CD80: variants seen among roughly 807,000 people sequenced by gnomAD.
CD80 encodes the protein T-lymphocyte activation antigen CD80.
A neutral mutation model predicts 27.1 loss-of-function variants in CD80; 13 were observed. That is an observed-to-expected ratio of 0.48 (90% CI 0.31 to 0.76). The LOEUF is 0.76. CD80 is among the 30% of genes least tolerant of loss of function. The probability of loss-of-function intolerance (pLI) is 0.04; values close to 1 mark genes in which losing one functional copy is unlikely to be tolerated. For synonymous variants in CD80, 125 were observed against 125.5 expected (o/e 1.00, Z 0.03); for missense variants, 277 against 347.9 (o/e 0.80, Z 1.62).
chr3:119,528,286 C>G (rs2082089885), intron 5 of CD80, among the ~76,000 whole-genome samples: 2 of 152,152 alleles, frequency 1.3e-5, no homozygotes, highest in African/African-American at 4.8e-5. Flanking sequence ...AGCACATACT[C>G]TCTAAAGAAT....
chr3:119,536,626 C>G (rs1355620815), intron 4 of CD80, among the ~76,000 whole-genome samples: 1 of 152,246 alleles, frequency 6.6e-6, no homozygotes, highest in Admixed American at 6.5e-5. Context: ...GCATGAGCCA[C>G]TGTGCCCAGT....
intron 5 of CD80, 69 bp downstream of exon 5, chr3:119,529,773 T>C: frequency 9.3e-7 from 1 of 1,080,242 alleles, no homozygotes; most frequent in Non-Finnish European, 1.4e-6. Flanking sequence ...CTCAGAGAGA[T>C]GCCGAACCAT....
At chr3:119,553,773 T>C (rs1221175113) in intron 2 of CD80, among the ~76,000 whole-genome samples, 1 of 152,230 alleles carries the variant, frequency 6.6e-6, no homozygotes, top group African/African-American at 2.4e-5. Context: ...AATAAACATT[T>C]TCCCTGACTA....
intron 3 of CD80, among the ~76,000 whole-genome samples, chr3:119,544,028 C>T (rs1426026325): frequency 1.3e-5 from 2 of 151,782 alleles, no homozygotes; most frequent in Non-Finnish European, 2.9e-5. Flanking sequence ...GCTGGGATTA[C>T]AGGAATGCGC....
At chr3:119,558,029 C>T in intron 1 of CD80, 101 bp from the exon 2 acceptor site, 1 of 209,392 alleles carries the variant, frequency 4.8e-6, no homozygotes, top group Non-Finnish European at 9.5e-6. Flanking sequence ...GAGAGCTTAA[C>T]CTAAGCAACC....
chr3:119,547,805 G>C (rs1469603272), intron 2 of CD80, among the ~76,000 whole-genome samples: 1 of 152,004 alleles, frequency 6.6e-6, no homozygotes, highest in Non-Finnish European at 1.5e-5. Flanking sequence ...TTGATATACT[G>C]ACAAGCAAAT....
At chr3:119,541,112 T>C (rs918778262) in intron 3 of CD80, among the ~76,000 whole-genome samples, 1 of 152,124 alleles carries the variant, frequency 6.6e-6, no homozygotes, top group Non-Finnish European at 1.5e-5. Flanking sequence ...ATCTCCCACC[T>C]TTTTTCTAAG....
In CD80 at chr3:119,529,861, C is replaced by T; in HGVS notation, c.777G>A (p.Val259=). 1 of 1,611,892 alleles carries T rather than the reference C, an allele frequency of 6.2e-7. No individual in the cohort carries two copies. Among genetic ancestry groups the T allele is most frequent in the Non-Finnish European group, 8.5e-7 (1 of 1,178,024 alleles). Residue 259 remains valine (V), a synonymous_variant, in exon 5 of 7, where the codon GTG becomes GTA. Transcript: ENST00000264246. The part of the protein sequence containing the change: ...ITLISVNGIF[V]ICCLTYCFAP... ...ACTTACAGTAGGTCAGGCAGCATAT[C>T]ACAAAAATTCCATTTACTGAGATTA...
intron 3 of CD80, among the ~76,000 whole-genome samples, chr3:119,541,543 T>C (rs2082168438): frequency 6.6e-6 from 1 of 152,224 alleles, no homozygotes; most frequent in Non-Finnish European, 1.5e-5. Flanking sequence ...TCTAGCCAAA[T>C]GAGAGCTTAA....
intron 2 of CD80, among the ~76,000 whole-genome samples, chr3:119,551,536 C>A (rs143165546): frequency 1.3e-5 from 2 of 152,242 alleles, no homozygotes; most frequent in East Asian, 3.9e-4. Context: ...TATCCTCTGC[C>A]ATGGGATGAT....
chr3:119,540,202 G>C (rs2082159733), intron 3 of CD80, among the ~76,000 whole-genome samples: 1 of 152,180 alleles, frequency 6.6e-6, no homozygotes. Flanking sequence ...ACCAGCCTCG[G>C]CCTCCCAAAG....
rs151042794 is a variant in CD80 at position 119,557,665 on chromosome 3, G to T, written c.64C>A (p.Leu22Ile). Residue 22 changes from leucine (L) to isoleucine (I), a missense_variant, in exon 2 of 7, where the codon CTC (leucine) becomes ATC (isoleucine). By Grantham distance (5) the Leu-to-Ile change is conservative. Coordinates refer to ENST00000264246, the MANE Select transcript of CD80 (RefSeq NM_005191.4). ...TGAGAAAGACCAGCCAGCACCAAGA[G>T]CTGAAAGAAATTGAGGTATGGACAC... The part of the protein sequence containing the change: ...SKCPYLNFFQ[L>I]LVLAGLSHFC... 6.2e-6 allele frequency: 10 copies of T among 1,613,828 alleles called. No homozygotes were observed. The African/African-American group carries it at 1.2e-4, about 19-fold the overall frequency.
chr3:119,541,040 A>T (rs1398664771), intron 3 of CD80, among the ~76,000 whole-genome samples: 1 of 147,286 alleles, frequency 6.8e-6, no homozygotes, highest in Non-Finnish European at 1.5e-5. Flanking sequence ...AGAGTAAGAG[A>T]CTCCATCTCA....
chr3:119,538,018 G>A (rs182017360), intron 3 of CD80, among the ~76,000 whole-genome samples: 17 of 152,308 alleles, frequency 1.1e-4, no homozygotes, highest in Admixed American at 1.1e-3. Context: ...AATTGTAAGA[G>A]ATGAAGAGAA....
chr3:119,556,981 C>T (rs905210124), intron 2 of CD80, among the ~76,000 whole-genome samples: 1 of 152,120 alleles, frequency 6.6e-6, no homozygotes, highest in African/African-American at 2.4e-5. Flanking sequence ...ACTTTCAGGA[C>T]ATATATGTAA....
intron 4 of CD80, among the ~76,000 whole-genome samples, chr3:119,535,149 G>A (rs537809613): frequency 6.7e-6 from 1 of 148,924 alleles, no homozygotes. Context: ...CCAAGATCAC[G>A]CCACTGCACT....
chr3:119,557,477 CCA>C, intron 2 of CD80, 150 bp downstream of exon 2: 1 of 483,534 alleles, frequency 2.1e-6, no homozygotes, highest in Non-Finnish European at 3.6e-6. Flanking sequence ...CCTCTTTGGA[CCA>C]CAGTCTTCTA....
intron 4 of CD80, among the ~76,000 whole-genome samples, chr3:119,533,691 G>A (rs1395897613): frequency 6.6e-6 from 1 of 152,122 alleles, no homozygotes; most frequent in Non-Finnish European, 1.5e-5. Context: ...CTTGCCTTCT[G>A]CCATGATTTG....
In CD80 at chr3:119,532,861, C is replaced by G. The variant is rs12330398; in HGVS notation, c.701-2924G>C. On this transcript the variant is annotated intron_variant, in intron 4 of 6. Transcript: ENST00000264246. ...CCTCAGGTTTCCTAGGCTCTAATAA[C>G]TCCTGCACATTGCTGTCACAGTAAT... Among the ~76,000 whole-genome samples the G allele has an allele frequency of 3.0e-3, 454 of 152,300 alleles. 1 individual carries two copies. The highest frequency in any genetic ancestry group is 0.01 in the African/African-American group (428 of 41,558).
Sources: gnomAD v4.1 joint callset for allele counts (sites outside exome capture counted in the v4.1 genomes callset) on GRCh38, gnomAD v4.1.1 for gene constraint, MANE v1.5 for transcripts, NCBI Gene and HGNC (gene_info 2026-07-23, HGNC 2026-07-21) for gene names.